The following SMARCD1 variants were observed in gnomAD, a reference collection of about 807,000 sequenced individuals.
SMARCD1 encodes SWI/SNF related BAF chromatin remodeling complex subunit D1, also known as SWI/SNF-related matrix-associated actin-dependent regulator of chromatin subfamily D member 1.
Under a neutral mutation model 70.8 loss-of-function variants are expected in SMARCD1, and 16 were observed. The ratio of observed to expected loss-of-function variants is 0.23; its 90% CI spans 0.15 to 0.34. The LOEUF (loss-of-function observed/expected upper bound fraction) is 0.34, where lower values mean the gene tolerates loss of function less well. Among genes scored for constraint, SMARCD1 ranks in the 10% least tolerant of loss-of-function variants. The pLI, the probability that SMARCD1 is intolerant of heterozygous loss-of-function variation, is 1.00. For synonymous variants in SMARCD1, 249 were observed against 246.0 expected, an observed-to-expected ratio of 1.01 and a Z score of -0.11; for missense variants, 409 against 655.5, an observed-to-expected ratio of 0.62 and a Z score of 4.11.
chr12:50,094,557 T>C lies in SMARCD1; in HGVS notation c.1254T>C (p.Ala418=), dbSNP rs139748991. Reference sequence around the variant, plus strand: ...CCACTGCCAGCCAACAGGAGATTGCTACTCTAGACAACAAGGTAGGGGTCT... The same window carrying C: ...CCACTGCCAGCCAACAGGAGATTGCCACTCTAGACAACAAGGTAGGGGTCT... ...LLSTASQQEI[A]TLDNKIHETI... Residue 418 remains alanine, a synonymous_variant, in exon 10 of 13, where the codon GCT becomes GCC. Transcript: ENST00000394963. The C allele has an allele frequency of 1.2e-4, 191 of 1,614,156 alleles. 1 individual carries two copies. In the African/African-American group the frequency reaches 1.8e-3, roughly 15 times the overall value.
chr12:50,092,324 A>G (rs1180871863), intron 9 of SMARCD1, among the ~76,000 whole-genome samples: 1 of 143,328 alleles, frequency 7.0e-6, no homozygotes, highest in Non-Finnish European at 1.5e-5. Context: ...CCTGGGTTCA[A>G]GCGATTCTCC....
At chr12:50,095,711 TTCCAGAAAGAGGG>T in intron 10 of SMARCD1, among the ~76,000 whole-genome samples, 1 of 152,228 alleles carries the variant, frequency 6.6e-6, no homozygotes, top group East Asian at 1.9e-4. Context: ...GCAGAAGACG[TTCCAGAAAGAGGG>T]AATAGGGCAT....
At position 50,087,432 on chromosome 12, in the gene SMARCD1, G is replaced by A; in HGVS notation, c.601G>A (p.Glu201Lys). 2 of 1,614,156 alleles carry A rather than the reference G, an allele frequency of 1.2e-6. No homozygotes were observed. Among genetic ancestry groups the A allele is most frequent in the East Asian group, 2.2e-5 (1 of 44,880 alleles). Residue 201 changes from glutamate to lysine, a missense_variant, in exon 5 of 13, where the codon GAA becomes AAA. By Grantham distance (56) the Glu-to-Lys change is moderately conservative. This residue lies in a region of SMARCD1 where 269 missense variants were observed against 498.6 expected (regional missense o/e 0.54). Transcript: ENST00000394963. Reference protein sequence around the residue: ...NPAKSDAEDGEGTVASWELRV... With the variant: ...NPAKSDAEDGKGTVASWELRV... ...GGCTAAGTCAGATGCCGAGGATGGG[G>A]AAGGGACGGTGGCTTCCTGGGAGCT... is the stretch of plus-strand genomic sequence containing the variant.
intron 10 of SMARCD1, among the ~76,000 whole-genome samples, chr12:50,094,824 G>A (rs763499588): frequency 2.0e-5 from 3 of 152,148 alleles, no homozygotes; most frequent in Admixed American, 6.6e-5. Flanking sequence ...CTTTTCAGGA[G>A]TCTCGCTCTC....
chr12:50,091,911 A>G (rs770255459), intron 9 of SMARCD1, among the ~76,000 whole-genome samples: 15 of 152,174 alleles, frequency 9.9e-5, no homozygotes, highest in African/African-American at 1.4e-4. Flanking sequence ...AAGATCAGCA[A>G]ATGCCACACA....
At chr12:50,092,609 C>T (rs973623294) in intron 9 of SMARCD1, among the ~76,000 whole-genome samples, 1 of 151,846 alleles carries the variant, frequency 6.6e-6, no homozygotes, top group African/African-American at 2.4e-5. Flanking sequence ...GACCCTGAAC[C>T]TTCACTTACA....
At chr12:50,097,507 G>A (rs1196733390) in intron 11 of SMARCD1, among the ~76,000 whole-genome samples, 18 of 151,988 alleles carry the variant, frequency 1.2e-4, no homozygotes, top group African/African-American at 3.6e-4. Flanking sequence ...AGCCAAGATC[G>A]TGCCGCTGCA....
Position 50,096,890 on chromosome 12 carries a change from A to G in SMARCD1, c.1310A>G (p.Gln437Arg). Residue 437 changes from glutamine to arginine, a missense_variant, in exon 11 of 13, where the codon CAG becomes CGG. Coordinates refer to ENST00000394963, the MANE Select transcript of SMARCD1 (RefSeq NM_003076.5). Reference protein sequence around the residue: ...TIETINQLKTQREFMLSFARD... With the variant: ...TIETINQLKTRREFMLSFARD... The stretch of plus-strand genomic sequence containing the variant: ...GAAACCATCAACCAGCTGAAGACTC[A>G]GCGGGAGTTCATGCTGAGCTTTGCC... The G allele has an allele frequency of 6.2e-7, 1 of 1,613,432 alleles. No individual in the cohort carries two copies. Among genetic ancestry groups the G allele is most frequent in the Non-Finnish European group, 8.5e-7 (1 of 1,179,336 alleles).
In SMARCD1 at chr12:50,090,285, C is replaced by A. The variant is rs368802771; in HGVS notation, c.918C>A (p.Gly306=). The A allele has an allele frequency of 4.3e-6, 7 of 1,613,954 alleles. No individual in the cohort carries two copies. The African/African-American group carries it at 9.3e-5, about 22-fold the overall frequency. The part of the protein sequence containing the change: ...KLDPRLARLL[G]IHTQTRPVII... Reference sequence around the variant, plus strand: ...ACCCCCGCCTAGCTCGACTCCTGGGCATCCATACCCAGACTCGTCCAGTGA... The same window carrying A: ...ACCCCCGCCTAGCTCGACTCCTGGGAATCCATACCCAGACTCGTCCAGTGA... Residue 306 remains glycine, a synonymous_variant, in exon 8 of 13, where the codon GGC becomes GGA. Transcript: ENST00000394963.
chr12:50,091,767 C>T (rs1277250436), intron 9 of SMARCD1, among the ~76,000 whole-genome samples: 1 of 73,016 alleles, frequency 1.4e-5, no homozygotes, highest in African/African-American at 3.3e-5. Flanking sequence ...TTAGTAGAGA[C>T]GGGGCTTCAC....
At chr12:50,091,923 C>G (rs1012670872) in intron 9 of SMARCD1, among the ~76,000 whole-genome samples, 3 of 152,164 alleles carry the variant, frequency 2.0e-5, no homozygotes, top group Non-Finnish European at 4.4e-5. Context: ...TGCCACACAT[C>G]TGGGCACTTC....
chr12:50,098,478 C>T (rs992494403), intron 11 of SMARCD1: 15 of 538,774 alleles, frequency 2.8e-5, no homozygotes, highest in Non-Finnish European at 4.3e-5. Flanking sequence ...GTCTAAATTT[C>T]CCCTCTTTAT....
intron 9 of SMARCD1, among the ~76,000 whole-genome samples, chr12:50,092,034 A>C (rs1221172749): frequency 1.3e-5 from 2 of 152,126 alleles, no homozygotes; most frequent in African/African-American, 4.8e-5. Context: ...ACAGCATTCT[A>C]GTCCGAGCCT....
chr12:50,093,426 A>G (rs1336866161), intron 9 of SMARCD1, among the ~76,000 whole-genome samples: 1 of 151,920 alleles, frequency 6.6e-6, no homozygotes, highest in Non-Finnish European at 1.5e-5. Context: ...GGCTTCCCAG[A>G]ATGCTGGGAT....
chr12:50,095,695 T>C (rs1950887617), intron 10 of SMARCD1, among the ~76,000 whole-genome samples: 1 of 152,008 alleles, frequency 6.6e-6, no homozygotes, highest in African/African-American at 2.4e-5. Flanking sequence ...GCTGGGGGCA[T>C]AGGAGGCAGA....
chr12:50,088,434 G>A, intron 5 of SMARCD1, 87 bp from the exon 6 acceptor site: 1 of 751,090 alleles, frequency 1.3e-6, no homozygotes, highest in Middle Eastern at 2.4e-4. Context: ...TTTTTCCATT[G>A]TTGTTGGGGT....
At chr12:50,093,781 C>T (rs1192265766) in intron 9 of SMARCD1, among the ~76,000 whole-genome samples, 7 of 151,648 alleles carry the variant, frequency 4.6e-5, no homozygotes, top group Admixed American at 6.6e-5. Context: ...CATGGCTCGC[C>T]GAATTTTTTT....
chr12:50,085,836 C>G, intron 1 of SMARCD1: 1 of 391,474 alleles, frequency 2.6e-6, no homozygotes, highest in Non-Finnish European at 4.5e-6. Flanking sequence ...CTCCAGTGAT[C>G]AGAGGAACAC....
chr12:50,092,698 C>T (rs1189373469), intron 9 of SMARCD1, among the ~76,000 whole-genome samples: 1 of 152,072 alleles, frequency 6.6e-6, no homozygotes, highest in Non-Finnish European at 1.5e-5. Flanking sequence ...AGTTAGACCA[C>T]TTTTAATTTT....
Sources: allele counts gnomAD v4.1 joint callset (sites outside exome capture counted in the v4.1 genomes callset), GRCh38; gene constraint gnomAD v4.1.1; regional missense constraint gnomAD v4.1.1; transcripts MANE v1.5; gene names NCBI Gene and HGNC (gene_info 2026-07-23, HGNC 2026-07-21).